Variants in ATAD3B observed in about 807,000 individuals in gnomAD.
ATAD3B encodes the protein ATPase family AAA domain-containing protein 3B.
In ATAD3B, 59 loss-of-function variants were observed where a neutral mutation model predicts 70.2. The ratio of observed to expected loss-of-function variants is 0.84; its 90% confidence interval spans 0.68 to 1.04. The LOEUF (loss-of-function observed/expected upper bound fraction) is 1.04. ATAD3B is among the 50% of genes least tolerant of loss of function. ATAD3B has a pLI of 0.00. For missense variants in ATAD3B, 961 were observed against 913.4 expected, an observed-to-expected ratio of 1.05 and a Z score of -0.67; for synonymous variants, 423 against 388.6, an observed-to-expected ratio of 1.09 and a Z score of -1.04.
chr1:1,495,727 G>T lies in ATAD3B; in HGVS notation c.1857G>T (p.Met619Ile), dbSNP rs1330924074. The stretch of plus-strand genomic sequence containing the variant: ...GCACATTTAGGATATGCTCCTGGAT[G>T]GGGACTGGGCTGTGCCCAGGGCCTC... ...GPCTFRICSW[M>I]GTGLCPGPLS... is the part of the protein sequence containing the mutation. The change falls in exon 16 of 16, where the codon ATG (methionine) becomes ATT (isoleucine). Residue 619 changes from methionine (M) to isoleucine (I), a missense_variant. Met to Ile is a conservative substitution (Grantham distance 10). Transcript: ENST00000673477. The T allele has an allele frequency of 3.1e-6, 5 of 1,613,222 alleles. No homozygotes were observed. Among genetic ancestry groups the T allele is most frequent in the Non-Finnish European group, 8.5e-7 (1 of 1,179,690 alleles).
chr1:1,473,502 CCTT>C (rs1312800985), intron 1 of ATAD3B, among the ~76,000 whole-genome samples: 2 of 149,336 alleles, frequency 1.3e-5, no homozygotes, highest in East Asian at 4.0e-4. Context: ...CCGCATGCCA[CCTT>C]TTTTTTTTTA....
At position 1,490,171 on chromosome 1, in the gene ATAD3B, C is replaced by A. The variant is rs1398174053; in HGVS notation, c.1338-86C>A. On this transcript the variant is annotated intron_variant, in intron 13 of 15. Coordinates refer to ENST00000673477, the MANE Select transcript of ATAD3B (RefSeq NM_031921.6). ...CGCTTTAGATTCTCCCAAAAAGTCT[C>A]CCCGAGGGGGCTGAGGAGCCCCCGT... is the stretch of plus-strand genomic sequence containing the variant. 7.1e-6 allele frequency: 11 copies of A among 1,544,136 alleles called. No homozygotes were observed. The African/African-American group carries it at 1.5e-4, about 21-fold the overall frequency.
chr1:1,477,184 A>G (rs1639635557), intron 1 of ATAD3B, 90 bp from the exon 2 acceptor site: 1 of 1,523,544 alleles, frequency 6.6e-7, no homozygotes, highest in African/African-American at 1.4e-5. Context: ...AGGTTTTTGT[A>G]TTTTTAGTAG....
At position 1,489,572 on chromosome 1, in the gene ATAD3B, G is replaced by A. The variant is rs1208469706; in HGVS notation, c.1337+298G>A. On this transcript the variant is annotated intron_variant, in intron 13 of 15. Coordinates refer to ENST00000673477, the MANE Select transcript of ATAD3B (RefSeq NM_031921.6). ...TCTGCGGTCCTGTGCCTGCAAGGGAGGTGGTCTGATTGCTGCCGCCCAGAG... is the reference window on the plus strand; with the variant it reads ...TCTGCGGTCCTGTGCCTGCAAGGGAAGTGGTCTGATTGCTGCCGCCCAGAG... The A allele has an allele frequency of 3.9e-5, 42 of 1,067,534 alleles. No homozygotes were observed. The East Asian group carries it at 1.4e-3, about 35-fold the overall frequency. 66.1% of individuals were successfully genotyped at this position (1,067,534 alleles called of 1,614,324 possible).
At chr1:1,474,663 C>G (rs1013553210) in intron 1 of ATAD3B, among the ~76,000 whole-genome samples, 1 of 151,882 alleles carries the variant, frequency 6.6e-6, no homozygotes, top group African/African-American at 2.4e-5. Flanking sequence ...GCACACCTGG[C>G]TAATTTTTGT....
intron 15 of ATAD3B, among the ~76,000 whole-genome samples, chr1:1,492,221 TC>T (rs1488718342): frequency 6.6e-6 from 1 of 151,816 alleles, no homozygotes; most frequent in Non-Finnish European, 1.5e-5. Context: ...GCCCGGTGGC[TC>T]ACTCCTGTAA....
rs528197887 is a variant in ATAD3B, at chr1:1,497,848, A to T, written c.*2031A>T. The T allele has an allele frequency of 7.3e-6, 1 of 137,802 alleles. No homozygotes were observed. Among genetic ancestry groups the T allele is most frequent in the East Asian group, 2.2e-4 (1 of 4,476 alleles). The allele number at this position is 137,802 out of a possible 1,614,324, so 8.5% of individuals were successfully genotyped here. On this transcript the variant is annotated 3_prime_UTR_variant, in exon 16 of 16. Coordinates refer to ENST00000673477, the MANE Select transcript of ATAD3B (RefSeq NM_031921.6). Reference sequence around the variant, plus strand: ...GCCACTGCACTCCGGCCTGGGCAACAGAACTGTTTAAAAAAAAAAAAAAAA... The same window carrying T: ...GCCACTGCACTCCGGCCTGGGCAACTGAACTGTTTAAAAAAAAAAAAAAAA...
chr1:1,475,962 C>T (rs1570190526), intron 1 of ATAD3B, among the ~76,000 whole-genome samples: 1 of 150,202 alleles, frequency 6.7e-6, no homozygotes, highest in South Asian at 2.2e-4. Context: ...GTGACACCCA[C>T]GTTCCTGTCA....
chr1:1,493,886 T>C (rs2100600824), intron 15 of ATAD3B, among the ~76,000 whole-genome samples: 1 of 152,096 alleles, frequency 6.6e-6, no homozygotes, highest in South Asian at 2.1e-4. Flanking sequence ...GCCATTTCTC[T>C]TGTGGTGTGT....
chr1:1,494,245 G>C (rs1209576172), intron 15 of ATAD3B, among the ~76,000 whole-genome samples: 1 of 146,388 alleles, frequency 6.8e-6, no homozygotes, highest in African/African-American at 2.8e-5. Flanking sequence ...CTCCTGCCAG[G>C]TCCCGTGCTT....
At chr1:1,473,394 CG>C (rs537516735) in intron 1 of ATAD3B, among the ~76,000 whole-genome samples, 58 of 150,980 alleles carry the variant, frequency 3.8e-4, no homozygotes, top group Middle Eastern at 3.4e-3. Flanking sequence ...TTAGTAGAGA[CG>C]GGGTTTCACT....
the ATAD3B span, among the ~76,000 whole-genome samples, chr1:1,505,201 C>T: frequency 6.6e-6 from 1 of 152,072 alleles, no homozygotes; most frequent in Non-Finnish European, 1.5e-5. Context: ...GGTAAGGTCA[C>T]GTGGGTCACG....
At chr1:1,504,397 C>G in the ATAD3B span, among the ~76,000 whole-genome samples, 8 of 152,082 alleles carry the variant, frequency 5.3e-5, no homozygotes, top group African/African-American at 1.9e-4. Flanking sequence ...CACCTGTAAT[C>G]TCAGCTCTTT....
At position 1,486,642 on chromosome 1, in the gene ATAD3B, T is replaced by C; in HGVS notation, c.1188T>C (p.Phe396=). The change falls in exon 11 of 16, where the codon TTT becomes TTC. Residue 396 remains phenylalanine (F), a synonymous_variant. Coordinates refer to ENST00000673477, the MANE Select transcript of ATAD3B (RefSeq NM_031921.6). ...GCGTGACCGCCATGCACAAGCTCTT[T>C]GACTGGGCCAATACCAGCCGGCGCG... The part of the protein sequence containing the change: ...REGVTAMHKL[F]DWANTSRRGL... 4.3e-6 allele frequency: 7 copies of C among 1,609,458 alleles called. No individual in the cohort carries two copies. Among genetic ancestry groups the C allele is most frequent in the Non-Finnish European group, 5.9e-6 (7 of 1,178,340 alleles).
At position 1,489,701 on chromosome 1, in the gene ATAD3B, C is replaced by T. The variant is rs535412496; in HGVS notation, c.1337+427C>T. ...TCCTGGGCCCCTCCAGCCCCAGTCA[C>T]GTGTCACACGGAGGATCAAGTCCTG... On this transcript the variant is annotated intron_variant, in intron 13 of 15. Coordinates refer to ENST00000673477, the MANE Select transcript of ATAD3B (RefSeq NM_031921.6). 29 of 1,313,896 alleles carry T rather than the reference C, an allele frequency of 2.2e-5. No individual in the cohort carries two copies. The East Asian group carries it at 9.1e-4, about 41-fold the overall frequency. The allele number at this position is 1,313,896 out of a possible 1,614,324, so 81.4% of individuals were successfully genotyped here. A position where few individuals can be genotyped will look rare whatever the true frequency, so the allele number is the denominator to read the frequency against.
At chr1:1,481,612 G>A (rs1160812403) in intron 5 of ATAD3B, among the ~76,000 whole-genome samples, 1 of 118,758 alleles carries the variant, frequency 8.4e-6, no homozygotes, top group African/African-American at 3.4e-5. Context: ...AGGTGTGTGC[G>A]TTTAATGTTC....
intron 2 of ATAD3B, chr1:1,478,425 G>T: frequency 6.6e-7 from 1 of 1,515,734 alleles, no homozygotes; most frequent in Non-Finnish European, 8.9e-7. Flanking sequence ...CTCCCCGGGG[G>T]CCTTCGCAGG....
rs572142577 is a variant in ATAD3B, at chr1:1,486,594, C to T, written c.1140C>T (p.Asp380=). 1.7e-5 allele frequency: 28 copies of T among 1,611,528 alleles called. No individual in the cohort carries two copies. The African/African-American group carries it at 1.8e-4, about 10-fold the overall frequency. ...ACTACGCCATCATGACAGGCGGGGACGTGGCCCCCATGGGGCGGGAAGGCG... is the reference window on the plus strand; with the variant it reads ...ACTACGCCATCATGACAGGCGGGGATGTGGCCCCCATGGGGCGGGAAGGCG... The part of the protein sequence containing the change: ...GMDYAIMTGG[D]VAPMGREGVT... The change falls in exon 11 of 16, where the codon GAC becomes GAT. Residue 380 remains aspartate (D), a synonymous_variant. Transcript: ENST00000673477.
At chr1:1,478,306 G>T in intron 2 of ATAD3B, 1 of 1,022,174 alleles carries the variant, frequency 9.8e-7, no homozygotes, top group Non-Finnish European at 1.4e-6. Context: ...CCACTCAGCA[G>T]GATTCCTAGA....
Sources: allele counts gnomAD v4.1 joint callset (sites outside exome capture counted in the v4.1 genomes callset), GRCh38; gene constraint gnomAD v4.1.1; transcripts MANE v1.5; gene names NCBI Gene and HGNC (gene_info 2026-07-23, HGNC 2026-07-21).